SMARCA2: variants seen among roughly 807,000 people sequenced by gnomAD.
SMARCA2 encodes the protein SWI/SNF related BAF chromatin remodeling complex subunit ATPase 2, also known as SWI/SNF-related matrix-associated actin-dependent regulator of chromatin subfamily A member 2.
A neutral mutation model predicts 199.8 loss-of-function variants in SMARCA2; 61 were observed. The ratio of observed to expected loss-of-function variants is 0.31; its 90% confidence interval spans 0.25 to 0.38. The LOEUF is 0.38. Among genes scored for constraint, SMARCA2 ranks in the 10% least tolerant of loss-of-function variants. The pLI, the probability that SMARCA2 is intolerant of heterozygous loss-of-function variation, is 1.00. For synonymous variants in SMARCA2, 935 were observed against 732.0 expected (o/e 1.28, Z -4.48); for missense variants, 1,344 against 2,012.2 (o/e 0.67, Z 6.35).
chr9:2,118,459 C>T (rs755221653), intron 25 of SMARCA2, among the ~76,000 whole-genome samples: 11 of 149,890 alleles, frequency 7.3e-5, no homozygotes, highest in Non-Finnish European at 1.3e-4. Context: ...TACACTCATA[C>T]TCTTTCTCTA....
intron 25 of SMARCA2, among the ~76,000 whole-genome samples, chr9:2,116,318 A>G (rs1172670329): frequency 6.6e-6 from 1 of 152,204 alleles, no homozygotes; most frequent in African/African-American, 2.4e-5. Context: ...GCTTTATTGA[A>G]CCATCAGTGC....
intron 27 of SMARCA2, among the ~76,000 whole-genome samples, chr9:2,138,700 C>T (rs965719334): frequency 4.7e-4 from 72 of 152,268 alleles, no homozygotes; most frequent in African/African-American, 1.6e-3. Flanking sequence ...AATCACTTTA[C>T]GTCTCAGAGC....
At chr9:2,040,066 T>A in intron 4 of SMARCA2, 166 bp downstream of exon 4, 1 of 1,321,938 alleles carries the variant, frequency 7.6e-7, no homozygotes, top group Non-Finnish European at 1.0e-6. Flanking sequence ...ATTCTTGGTC[T>A]TCCCCTGCTG....
chr9:2,182,255 A>C lies in SMARCA2; in HGVS notation c.4461+13A>C, dbSNP rs1008075118. The C allele has an allele frequency of 6.5e-7, 1 of 1,543,856 alleles. No individual in the cohort carries two copies. Among genetic ancestry groups the C allele is most frequent in the African/African-American group, 1.4e-5 (1 of 73,026 alleles). On this transcript the variant is annotated intron_variant, in intron 31 of 33. Transcript: ENST00000349721. ...GGAGGGATCCCAGGTCTGTCTTGTT[A>C]AGTTGTCTAAAAGTTCTTAACTGTA... is the stretch of plus-strand genomic sequence containing the variant.
intron 27 of SMARCA2, among the ~76,000 whole-genome samples, chr9:2,136,355 T>C (rs955196845): frequency 2.6e-4 from 39 of 152,178 alleles, no homozygotes; most frequent in African/African-American, 9.4e-4. Flanking sequence ...CCCTGGCTAA[T>C]TTTTATATTA....
At chr9:2,033,299 A>G (rs1370867230) in intron 3 of SMARCA2, 1 of 498,440 alleles carries the variant, frequency 2.0e-6, no homozygotes, top group Non-Finnish European at 3.5e-6. Context: ...TTTACTAGCC[A>G]CCATGTGTCC....
chr9:2,116,149 G>A (rs1823207758), intron 25 of SMARCA2, 100 bp downstream of exon 25: 3 of 868,170 alleles, frequency 3.5e-6, no homozygotes, highest in Non-Finnish European at 5.5e-6. Context: ...CTGGGCTGGC[G>A]TTAATGAAAA....
At chr9:2,040,919 A>G (rs1358161598) in intron 4 of SMARCA2, 1 of 154,352 alleles carries the variant, frequency 6.5e-6, no homozygotes, top group African/African-American at 2.4e-5. Context: ...AAAGAACTGG[A>G]AAAGCAGAGA....
chr9:2,150,533 C>A (rs750508557), intron 27 of SMARCA2, among the ~76,000 whole-genome samples: 44 of 151,568 alleles, frequency 2.9e-4, no homozygotes, highest in South Asian at 6.2e-4. Context: ...TATAGGATGG[C>A]AGGAAAGATA....
chr9:2,090,155 T>C (rs1821990220), intron 19 of SMARCA2, among the ~76,000 whole-genome samples: 1 of 152,206 alleles, frequency 6.6e-6, no homozygotes, highest in African/African-American at 2.4e-5. Flanking sequence ...TTTACAAAAA[T>C]ATTTATTTTA....
chr9:2,166,054 T>C (rs149728490), intron 28 of SMARCA2, among the ~76,000 whole-genome samples: 3 of 152,362 alleles, frequency 2.0e-5, no homozygotes, highest in African/African-American at 7.2e-5. Context: ...TGCAGCCATC[T>C]GACCCCTAGC....
At chr9:2,100,249 A>C (rs754133389) in intron 21 of SMARCA2, among the ~76,000 whole-genome samples, 1 of 152,246 alleles carries the variant, frequency 6.6e-6, no homozygotes, top group Non-Finnish European at 1.5e-5. Context: ...AGAATGGAGA[A>C]ATGCGTGGAA....
chr9:2,070,383 G>T (rs769001801), intron 9 of SMARCA2, 35 bp from the exon 10 acceptor site: 2 of 1,592,336 alleles, frequency 1.3e-6, no homozygotes, highest in East Asian at 2.2e-5. Flanking sequence ...CCATCATCTT[G>T]GTTACTTATA....
At chr9:2,172,773 T>G (rs1826327230) in intron 29 of SMARCA2, among the ~76,000 whole-genome samples, 1 of 152,054 alleles carries the variant, frequency 6.6e-6, no homozygotes, top group Admixed American at 6.5e-5. Context: ...GGGACCAGTG[T>G]GTGATGTCTG....
In SMARCA2 at chr9:2,149,230, A is replaced by C. The variant is rs185623116; in HGVS notation, c.3982-12456A>C. On this transcript the variant is annotated intron_variant, in intron 27 of 33. Coordinates refer to ENST00000349721, the MANE Select transcript of SMARCA2 (RefSeq NM_003070.5). The stretch of plus-strand genomic sequence containing the variant: ...AAATGAGAGAGATGCAAAAGTGGAA[A>C]CCCCTGGCTGGGTGTGGTGGCTCAC... 7.0e-4 allele frequency among the ~76,000 whole-genome samples: 106 copies of C among 151,080 alleles called. 1 individual carries two copies. The Middle Eastern group carries it at 0.017, about 24-fold the overall frequency.
intron 27 of SMARCA2, among the ~76,000 whole-genome samples, chr9:2,133,167 C>A (rs1410786799): frequency 1.3e-5 from 2 of 152,182 alleles, no homozygotes; most frequent in African/African-American, 4.8e-5. Context: ...CCAATAATTT[C>A]ACATTATCTT....
chr9:2,055,813 C>T (rs1820327739), intron 6 of SMARCA2: 2 of 152,172 alleles, frequency 1.3e-5, no homozygotes. Context: ...TAATAAAGTG[C>T]TGGATAAAAT....
In SMARCA2 at chr9:2,170,670, T is replaced by C. The variant is rs1167560834; in HGVS notation, c.4253+198T>C. On this transcript the variant is annotated intron_variant, in intron 29 of 33. Transcript: ENST00000349721. The surrounding 1 kb of genome is among the most constrained non-coding windows in gnomAD (Gnocchi z 4.7). ...TTCTGAAGTTGTTGGTGCTGTATTTTAATCTGGCTGTGCCAATTCTATACA... is the reference window on the plus strand; with the variant it reads ...TTCTGAAGTTGTTGGTGCTGTATTTCAATCTGGCTGTGCCAATTCTATACA... 6.6e-6 allele frequency among the ~76,000 whole-genome samples: 1 copy of C among 152,240 alleles called. No homozygotes were observed. The highest frequency in any genetic ancestry group is 1.5e-5 in the Non-Finnish European group (1 of 68,034).
In SMARCA2 at chr9:2,077,719, G is replaced by T; in HGVS notation, c.2127G>T (p.Ser709=). Reference sequence around the variant, plus strand: ...ACTACACCGTGGCTCATGCCATCTCGGAGAGGGTGGAGAAACAGTCTGCCC... The same window carrying T: ...ACTACACCGTGGCTCATGCCATCTCTGAGAGGGTGGAGAAACAGTCTGCCC... ...QSYYTVAHAI[S]ERVEKQSALL... is the part of the protein sequence containing the mutation. The change falls in exon 14 of 34, where the codon TCG becomes TCT. Residue 709 remains serine, a synonymous_variant. Transcript: ENST00000349721. 6.2e-7 allele frequency: 1 copy of T among 1,613,992 alleles called. No individual in the cohort carries two copies. The highest frequency in any genetic ancestry group is 2.2e-5 in the East Asian group (1 of 44,864).
Sources: gnomAD v4.1 joint callset for allele counts (sites outside exome capture counted in the v4.1 genomes callset) on GRCh38, gnomAD v4.1.1 for gene constraint, Gnocchi (gnomAD v3.1) non-coding constraint, MANE v1.5 for transcripts, NCBI Gene and HGNC (gene_info 2026-07-23, HGNC 2026-07-21) for gene names.